Variants in DPY19L2 observed in about 807,000 individuals in gnomAD.
DPY19L2 encodes probable C-mannosyltransferase DPY19L2.
Under a neutral mutation model 97.9 loss-of-function variants are expected in DPY19L2, and 34 were observed. The observed-to-expected ratio is 0.35, with a 90% CI of 0.26 to 0.46. DPY19L2 has a LOEUF of 0.46. Ranked by LOEUF, DPY19L2 falls within the 20% of genes least tolerant of loss-of-function variation. The probability of loss-of-function intolerance (pLI) is 1.00; values close to 1 mark genes in which losing one functional copy is unlikely to be tolerated. For synonymous variants in DPY19L2, 230 were observed against 307.9 expected (o/e 0.75, Z 2.65); for missense variants, 623 against 911.4 (o/e 0.68, Z 4.07).
chr12:63,635,071 T>C (rs1398288014), intron 6 of DPY19L2, among the ~76,000 whole-genome samples: 20 of 151,880 alleles, frequency 1.3e-4, no homozygotes, highest in African/African-American at 4.4e-4. Context: ...CGGGTACTCC[T>C]CTGAGACAAA....
At chr12:63,616,579 A>G (rs1323181258) in intron 11 of DPY19L2, among the ~76,000 whole-genome samples, 1 of 152,110 alleles carries the variant, frequency 6.6e-6, no homozygotes, top group Non-Finnish European at 1.5e-5. Flanking sequence ...TGGCTTATAG[A>G]TATCAGAAGT....
intron 12 of DPY19L2, among the ~76,000 whole-genome samples, chr12:63,607,400 C>A (rs4044900): frequency 0.051 from 7,689 of 152,152 alleles, 628 homozygotes; most frequent in African/African-American, 0.17. Context: ...TGTCTAAGGA[C>A]AGGTGACCTG....
At chr12:63,632,402 C>T (rs544182452) in intron 6 of DPY19L2, among the ~76,000 whole-genome samples, 1 of 152,100 alleles carries the variant, frequency 6.6e-6, no homozygotes, top group South Asian at 2.1e-4. Context: ...AAAATCACAA[C>T]CATTCCTATA....
At position 63,570,788 on chromosome 12, in the gene DPY19L2, T is replaced by C. The variant is rs1415435279; in HGVS notation, c.1970A>G (p.Asn657Ser). 8.7e-6 allele frequency: 14 copies of C among 1,612,812 alleles called. No individual in the cohort carries two copies. The highest frequency in any genetic ancestry group is 8.5e-7 in the Non-Finnish European group (1 of 1,179,436). Residue 657 changes from asparagine to serine, a missense_variant, in exon 20 of 22, where the codon AAT (asparagine) becomes AGT (serine). Transcript: ENST00000324472. ...GTCTGCATCTTCGTAATGTGGATGA[T>C]TCACAATGGGATGAAGTGTAGACAG... ...IKLSTLHPIV[N>S]HPHYEDADLR...
intron 19 of DPY19L2, among the ~76,000 whole-genome samples, chr12:63,573,266 AAAG>A (rs1361221576): frequency 1.3e-5 from 2 of 152,132 alleles, no homozygotes; most frequent in East Asian, 1.9e-4. Flanking sequence ...AAATAATTAA[AAAG>A]AAGCAGAAAT....
At chr12:63,587,024 A>T (rs1489479530) in intron 16 of DPY19L2, among the ~76,000 whole-genome samples, 1 of 152,150 alleles carries the variant, frequency 6.6e-6, no homozygotes, top group Non-Finnish European at 1.5e-5. Context: ...GAATAGAAAA[A>T]ATCTAACAAT....
chr12:63,653,970 C>A (rs1172723203), intron 4 of DPY19L2, among the ~76,000 whole-genome samples: 1 of 151,822 alleles, frequency 6.6e-6, no homozygotes, highest in South Asian at 2.1e-4. Flanking sequence ...AAAGAAACTG[C>A]ATTCTCTGAG....
At chr12:63,666,361 T>C (rs962021834) in intron 1 of DPY19L2, 4 of 226,918 alleles carry the variant, frequency 1.8e-5, no homozygotes, top group South Asian at 6.1e-5. Context: ...CCTTGATGAA[T>C]TGCAAGCTCT....
chr12:63,623,293 T>C (rs1300746430), intron 8 of DPY19L2, among the ~76,000 whole-genome samples: 2 of 151,972 alleles, frequency 1.3e-5, no homozygotes, highest in Admixed American at 6.6e-5. Context: ...GTTAGAAACA[T>C]TGGTTGTTCA....
intron 6 of DPY19L2, among the ~76,000 whole-genome samples, chr12:63,628,317 T>A (rs1889935540): frequency 6.6e-6 from 1 of 152,090 alleles, no homozygotes; most frequent in Admixed American, 6.5e-5. Context: ...CCTTTCCTAA[T>A]CAAAGAAAGG....
At chr12:63,628,648 T>G (rs1890027714) in intron 6 of DPY19L2, among the ~76,000 whole-genome samples, 2 of 151,974 alleles carry the variant, frequency 1.3e-5, no homozygotes, top group African/African-American at 4.8e-5. Flanking sequence ...GGGCAGGACG[T>G]TGCCAAACAA....
At position 63,637,439 on chromosome 12, in the gene DPY19L2, G is replaced by A. The variant is rs1161229477; in HGVS notation, c.803+6964C>T. On this transcript the variant is annotated intron_variant, in intron 6 of 21. Coordinates refer to ENST00000324472, the MANE Select transcript of DPY19L2 (RefSeq NM_173812.5). ...AATCCAGGAGCTGGTTTTTGGGAAA[G>A]ATCAACAAAATTGATAGACCGCTAG... 5.3e-5 allele frequency among the ~76,000 whole-genome samples: 8 copies of A among 151,902 alleles called. No homozygotes were observed. In the East Asian group the frequency reaches 1.3e-3, roughly 26 times the overall value.
At chr12:63,625,315 T>C (rs997868524) in intron 7 of DPY19L2, among the ~76,000 whole-genome samples, 10 of 151,850 alleles carry the variant, frequency 6.6e-5, no homozygotes, top group Non-Finnish European at 1.3e-4. Flanking sequence ...GAGAATTGCT[T>C]GAACCTGGGA....
intron 19 of DPY19L2, among the ~76,000 whole-genome samples, chr12:63,576,742 A>T (rs182059489): frequency 0.019 from 2,828 of 152,084 alleles, 78 homozygotes; most frequent in African/African-American, 0.064. Context: ...GAAATGAAAG[A>T]TCTCTAGAAT....
chr12:63,594,587 G>GTGTA (rs1156932498), intron 15 of DPY19L2, among the ~76,000 whole-genome samples: 1 of 151,020 alleles, frequency 6.6e-6, no homozygotes, highest in African/African-American at 2.4e-5. Context: ...TTGTATGTGT[G>GTGTA]TGTGTGTGCG....
chr12:63,629,047 A>G (rs1330992757), intron 6 of DPY19L2, among the ~76,000 whole-genome samples: 1 of 152,158 alleles, frequency 6.6e-6, no homozygotes, highest in Non-Finnish European at 1.5e-5. Context: ...AAGGACACCC[A>G]CACCAAAACC....
chr12:63,610,861 A>AAAAAAAAAAAAAAAC (rs1886853680), intron 11 of DPY19L2, among the ~76,000 whole-genome samples: 3 of 99,140 alleles, frequency 3.0e-5, no homozygotes, highest in African/African-American at 9.7e-5. Context: ...AAAAAAAAAA[A>AAAAAAAAAAAAAAAC]AAAAAAAAAA....
At chr12:63,632,559 T>A (rs1480954842) in intron 6 of DPY19L2, among the ~76,000 whole-genome samples, 4 of 151,960 alleles carry the variant, frequency 2.6e-5, no homozygotes, top group African/African-American at 9.7e-5. Context: ...CTCAATGAAA[T>A]AAAATAGGAT....
In DPY19L2 at chr12:63,663,841, G is replaced by GT; in HGVS notation, c.366dup (p.His123ThrfsTer7). 1 of 1,595,032 alleles carries GT rather than the reference G, an allele frequency of 6.3e-7. No homozygotes were observed. The highest frequency in any genetic ancestry group is 2.3e-5 in the East Asian group (1 of 43,992). On this transcript the variant is annotated frameshift_variant, in exon 3 of 22. Transcript: ENST00000324472. LOFTEE classifies it high-confidence loss of function. ...TCATTTTCAAAAAGTGTTACTAAAT[G>GT]TAACCTAGAAAAAAATGAAGTATCA...
Sources: allele counts gnomAD v4.1 joint callset (sites outside exome capture counted in the v4.1 genomes callset), GRCh38; gene constraint gnomAD v4.1.1; transcripts MANE v1.5; gene names NCBI Gene and HGNC (gene_info 2026-07-23, HGNC 2026-07-21).